Variants in DNM1L observed in about 807,000 individuals in gnomAD.
DNM1L encodes the protein dynamin-1-like protein.
DNM1L carries 33 observed loss-of-function variants against 92.8 expected under a neutral mutation model. The observed-to-expected ratio is 0.36, with a 90% CI of 0.27 to 0.48. The LOEUF (loss-of-function observed/expected upper bound fraction) is 0.48, where lower values mean the gene tolerates loss of function less well. DNM1L is among the 20% of genes least tolerant of loss of function. The pLI, the probability that DNM1L is intolerant of heterozygous loss-of-function variation, is 0.99. For missense variants in DNM1L, 485 were observed against 888.8 expected, an observed-to-expected ratio of 0.55 and a Z score of 5.78; for synonymous variants, 284 against 305.0, an observed-to-expected ratio of 0.93 and a Z score of 0.72.
rs1452584250 is a variant in DNM1L at position 32,740,231 on chromosome 12, G to A, written c.1875G>A (p.Leu625=). The A allele has an allele frequency of 6.2e-7, 1 of 1,614,018 alleles. No individual in the cohort carries two copies. The highest frequency in any genetic ancestry group is 8.5e-7 in the Non-Finnish European group (1 of 1,180,014). ...ASPQKGHAVN[L]LDVPVPVARK... ...CACAAAAAGGTCATGCCGTGAACCTGCTAGATGTGGTAAGCCATGACAATT... is the reference window on the plus strand; with the variant it reads ...CACAAAAAGGTCATGCCGTGAACCTACTAGATGTGGTAAGCCATGACAATT... The change falls in exon 17 of 20, where the codon CTG becomes CTA. Residue 625 remains leucine, a synonymous_variant. Transcript: ENST00000549701.
chr12:32,707,801 A>T (rs1952983556), intron 3 of DNM1L, among the ~76,000 whole-genome samples: 1 of 152,080 alleles, frequency 6.6e-6, no homozygotes, highest in African/African-American at 2.4e-5. Context: ...ACTAAAAAAA[A>T]TTAGCCCCGC....
At chr12:32,729,008 G>A (rs1411703614) in intron 9 of DNM1L, 1 of 152,068 alleles carries the variant, frequency 6.6e-6, no homozygotes, top group African/African-American at 2.4e-5. Flanking sequence ...AGCCAGGATG[G>A]TCTCGATCTC....
intron 17 of DNM1L, 28 bp from the exon 18 acceptor site, chr12:32,740,381 A>G: frequency 6.2e-7 from 1 of 1,611,050 alleles, no homozygotes; most frequent in Non-Finnish European, 8.5e-7. Flanking sequence ...CACAAAAGTA[A>G]TATTTTTTCC....
At position 32,718,252 on chromosome 12, in the gene DNM1L, C is replaced by T. The variant is rs555159284; in HGVS notation, c.620-391C>T. On this transcript the variant is annotated intron_variant, in intron 6 of 19. Transcript: ENST00000549701. The stretch of plus-strand genomic sequence containing the variant: ...TGCCTCTCGGGTTCAAGCAATTCTC[C>T]TGCTTCAGCCTCCCGAGCAGCTGGG... Among the ~76,000 whole-genome samples the T allele has an allele frequency of 2.1e-4, 31 of 150,738 alleles. No homozygotes were observed. The East Asian group carries it at 4.5e-3, about 22-fold the overall frequency.
intron 1 of DNM1L, among the ~76,000 whole-genome samples, chr12:32,688,028 C>T (rs570302463): frequency 1.4e-4 from 22 of 152,042 alleles, no homozygotes; most frequent in African/African-American, 4.1e-4. Context: ...TGGGTTCAAG[C>T]GATCCAACCA....
Position 32,740,384 on chromosome 12 carries a change from T to A in DNM1L, c.1885-25T>A, listed in dbSNP as rs186393504. ...CCATTTTAGTGTCACAAAAGTAATA[T>A]TTTTTCCCCCTCATCCCTATTTAGC... On this transcript the variant is annotated intron_variant, in intron 17 of 19. Coordinates refer to ENST00000549701, the MANE Select transcript of DNM1L (RefSeq NM_012062.5). 6.7e-4 allele frequency: 1,081 copies of A among 1,610,992 alleles called. 2 individuals are homozygous for A. The highest frequency in any genetic ancestry group is 8.5e-4 in the Non-Finnish European group (1,001 of 1,177,918).
Position 32,744,545 on chromosome 12 carries a change from C to G in DNM1L, c.*1135C>G. The G allele has an allele frequency of 5.2e-6, 1 of 193,618 alleles. No individual in the cohort carries two copies. Among genetic ancestry groups the G allele is most frequent in the South Asian group, 8.6e-5 (1 of 11,660 alleles). The allele number at this position is 193,618 out of a possible 1,614,324, so 12.0% of individuals were successfully genotyped here. Reference sequence around the variant, plus strand: ...CTTGACCAACATGGAGAAACCCCGTCTCTACTAAAAATACAAAATTGGCCG... The same window carrying G: ...CTTGACCAACATGGAGAAACCCCGTGTCTACTAAAAATACAAAATTGGCCG... On this transcript the variant is annotated 3_prime_UTR_variant, in exon 20 of 20. Transcript: ENST00000549701.
intron 4 of DNM1L, among the ~76,000 whole-genome samples, chr12:32,710,148 C>T (rs1265748584): frequency 6.6e-6 from 1 of 152,164 alleles, no homozygotes; most frequent in Non-Finnish European, 1.5e-5. Context: ...ACGCAGTATT[C>T]TTAGTCTGCA....
intron 4 of DNM1L, among the ~76,000 whole-genome samples, chr12:32,708,468 A>G (rs1238292668): frequency 6.6e-6 from 1 of 152,134 alleles, no homozygotes; most frequent in Non-Finnish European, 1.5e-5. Context: ...CAAATATTTT[A>G]TTTAGATGTT....
At chr12:32,688,834 TC>T (rs773260776) in intron 1 of DNM1L, among the ~76,000 whole-genome samples, 1 of 152,198 alleles carries the variant, frequency 6.6e-6, no homozygotes, top group Non-Finnish European at 1.5e-5. Context: ...AAGAAAAAAT[TC>T]CTTCCTAAGG....
chr12:32,690,082 G>A (rs1592569654), intron 1 of DNM1L, among the ~76,000 whole-genome samples: 2 of 152,128 alleles, frequency 1.3e-5, no homozygotes, highest in Admixed American at 1.3e-4. Flanking sequence ...GTAGCTACTC[G>A]ACTTTCTGGG....
chr12:32,679,966 G>A, intron 1 of DNM1L: 1 of 985,610 alleles, frequency 1.0e-6, no homozygotes, highest in Non-Finnish European at 1.2e-6. Context: ...GAATCGCTCT[G>A]TTGAGGCTGA....
chr12:32,735,696 C>T (rs145427423), intron 13 of DNM1L, among the ~76,000 whole-genome samples: 8 of 152,000 alleles, frequency 5.3e-5, no homozygotes, highest in Admixed American at 1.3e-4. Context: ...GCCTGGCCAA[C>T]GTGGCAAAAC....
intron 1 of DNM1L, among the ~76,000 whole-genome samples, chr12:32,700,750 A>G (rs986661826): frequency 6.6e-6 from 1 of 152,088 alleles, no homozygotes; most frequent in East Asian, 1.9e-4. Context: ...TGTAATAATA[A>G]TAATAAAAAT....
In DNM1L at chr12:32,701,289, AAAT is replaced by A; in HGVS notation, c.103-124_103-122del. 4.6e-6 allele frequency: 4 copies of A among 868,130 alleles called. No individual in the cohort carries two copies. In the African/African-American group the frequency reaches 5.2e-5, roughly 11 times the overall value. 53.8% of individuals were successfully genotyped at this position (868,130 alleles called of 1,614,324 possible). On this transcript the variant is annotated intron_variant, in intron 1 of 19. Transcript: ENST00000549701. ...GAAACTCCGTCTCAAAAAAAAAAAAAAATAGTCTCTGCACTAATTTTTCCTTTA... is the reference window on the plus strand; with the variant it reads ...GAAACTCCGTCTCAAAAAAAAAAAAAAGTCTCTGCACTAATTTTTCCTTTA...
chr12:32,718,549 A>G (rs1042897613), intron 6 of DNM1L, 94 bp from the exon 7 acceptor site: 25 of 1,508,280 alleles, frequency 1.7e-5, no homozygotes, highest in Non-Finnish European at 1.9e-5. Context: ...GTGGGATTGT[A>G]GATGAGGGTT....
chr12:32,706,138 T>C (rs973272767), intron 2 of DNM1L: 2 of 334,196 alleles, frequency 6.0e-6, no homozygotes, highest in Admixed American at 4.7e-5. Flanking sequence ...TAGAAACAGC[T>C]CTTTGGTATG....
intron 1 of DNM1L, among the ~76,000 whole-genome samples, chr12:32,693,672 C>T (rs1181593758): frequency 1.3e-5 from 2 of 152,132 alleles, no homozygotes; most frequent in Non-Finnish European, 2.9e-5. Flanking sequence ...GGGTCTCACT[C>T]TCTTGCCCAG....
chr12:32,725,926 TA>T (rs2137476668), intron 9 of DNM1L, among the ~76,000 whole-genome samples: 1 of 146,302 alleles, frequency 6.8e-6, no homozygotes, highest in African/African-American at 2.6e-5. Context: ...TTTTTTTTTT[TA>T]AACGATGGAT....
Sources: allele counts gnomAD v4.1 joint callset (sites outside exome capture counted in the v4.1 genomes callset), GRCh38; gene constraint gnomAD v4.1.1; transcripts MANE v1.5; gene names NCBI Gene and HGNC (gene_info 2026-07-23, HGNC 2026-07-21).